VPS13B: variants seen among roughly 807,000 people sequenced by gnomAD.
The protein encoded by VPS13B is vacuolar protein sorting 13 homolog B.
VPS13B carries 285 observed loss-of-function variants against 426.4 expected under a neutral mutation model. The observed-to-expected ratio is 0.67, with a 90% confidence interval of 0.61 to 0.74. VPS13B has a LOEUF of 0.74. VPS13B is among the 30% of genes least tolerant of loss of function. The pLI is 0.00. For missense variants in VPS13B, 4,537 were observed against 4,782.6 expected (o/e 0.95, Z 1.51); for synonymous variants, 1,676 against 1,676.4 (o/e 1.00, Z 0.01).
At chr8:99,418,373 A>G (rs1816154344) in intron 21 of VPS13B, among the ~76,000 whole-genome samples, 2 of 149,806 alleles carry the variant, frequency 1.3e-5, no homozygotes, top group Admixed American at 6.6e-5. Context: ...TAAAAACTAT[A>G]CCATATAGCA....
intron 3 of VPS13B, among the ~76,000 whole-genome samples, chr8:99,086,869 TG>T (rs1287284507): frequency 4.6e-5 from 7 of 152,122 alleles, no homozygotes; most frequent in South Asian, 2.1e-4. Context: ...CTGCCCCTGC[TG>T]GGGGGTGCCT....
chr8:99,842,107 T>C (rs562893986), intron 54 of VPS13B, among the ~76,000 whole-genome samples: 25 of 152,326 alleles, frequency 1.6e-4, no homozygotes, highest in Non-Finnish European at 2.5e-4. Context: ...AGATACTCTT[T>C]TACAAACCAC....
intron 12 of VPS13B, among the ~76,000 whole-genome samples, chr8:99,140,221 C>T (rs534514519): frequency 9.2e-5 from 14 of 151,434 alleles, no homozygotes; most frequent in Middle Eastern, 3.4e-3. Context: ...AAAAATTAGC[C>T]GGGGGTGGTG....
At chr8:99,561,266 A>C (rs941969738) in intron 31 of VPS13B, among the ~76,000 whole-genome samples, 1 of 152,180 alleles carries the variant, frequency 6.6e-6, no homozygotes, top group African/African-American at 2.4e-5. Flanking sequence ...TGTCTGTATG[A>C]ATTTATGTAT....
In VPS13B at chr8:99,856,482, G is replaced by A. The variant is rs942573664; in HGVS notation, c.10867+2226G>A. Among the ~76,000 whole-genome samples the A allele has an allele frequency of 6.6e-5, 10 of 152,362 alleles. No individual in the cohort carries two copies. In the South Asian group the frequency reaches 1.2e-3, roughly 19 times the overall value. On this transcript the variant is annotated intron_variant, in intron 56 of 61. Transcript: ENST00000357162. ...CACTTGAGTCAGAGTGCCCCTGCCT[G>A]TCATGGAAAACACCCTGACCTCATT...
intron 19 of VPS13B, among the ~76,000 whole-genome samples, chr8:99,356,752 G>C (rs980615507): frequency 6.6e-6 from 1 of 151,998 alleles, no homozygotes; most frequent in Non-Finnish European, 1.5e-5. Flanking sequence ...ACTATCCAAC[G>C]ATGGAAGTTA....
chr8:99,044,430 G>T (rs1005091790), intron 3 of VPS13B, among the ~76,000 whole-genome samples: 1 of 151,020 alleles, frequency 6.6e-6, no homozygotes, highest in Admixed American at 6.6e-5. Flanking sequence ...GTGTGTGTGT[G>T]TTTTTTTAAT....
rs72672319 is a variant in VPS13B, at chr8:99,197,921, G to T, written c.2515+4864G>T. Among the ~76,000 whole-genome samples the T allele has an allele frequency of 3.6e-3, 550 of 152,124 alleles. 3 individuals are homozygous for T. Among genetic ancestry groups the T allele is most frequent in the Non-Finnish European group, 5.9e-3 (401 of 67,960 alleles). ...GGTGAAAATATTCTGTAATTATATA[G>T]TTGTGATGGATTCACAACCTTGCGT... On this transcript the variant is annotated intron_variant, in intron 17 of 61. Coordinates refer to ENST00000357162, the MANE Select transcript of VPS13B (RefSeq NM_152564.5).
chr8:99,805,211 G>A (rs79593074), intron 43 of VPS13B, among the ~76,000 whole-genome samples: 6,943 of 150,338 alleles, frequency 0.046, 174 homozygotes, highest in African/African-American at 0.061. Flanking sequence ...AGAACATTAC[G>A]TATTACTGTA....
intron 21 of VPS13B, among the ~76,000 whole-genome samples, chr8:99,392,680 C>T (rs1440777786): frequency 6.6e-6 from 1 of 151,854 alleles, no homozygotes; most frequent in Non-Finnish European, 1.5e-5. Context: ...GTATTTAAGT[C>T]GTATTTAACA....
At chr8:99,042,727 C>T (rs1300616564) in intron 3 of VPS13B, among the ~76,000 whole-genome samples, 1 of 151,996 alleles carries the variant, frequency 6.6e-6, no homozygotes, top group Non-Finnish European at 1.5e-5. Context: ...CCTCAAGTGA[C>T]CCTCCTGCCT....
chr8:99,822,972 C>G (rs904530670), intron 50 of VPS13B, among the ~76,000 whole-genome samples: 2 of 152,154 alleles, frequency 1.3e-5, no homozygotes, highest in African/African-American at 4.8e-5. Flanking sequence ...GGACCCCATG[C>G]CCAGAGATCC....
intron 21 of VPS13B, among the ~76,000 whole-genome samples, chr8:99,406,086 C>T (rs1815313429): frequency 6.6e-6 from 1 of 152,044 alleles, no homozygotes; most frequent in Non-Finnish European, 1.5e-5. Context: ...CCGCTATATA[C>T]TTTTCATACT....
chr8:99,480,289 AAC>A (rs1819967715), intron 24 of VPS13B, among the ~76,000 whole-genome samples: 1 of 152,128 alleles, frequency 6.6e-6, no homozygotes, highest in Non-Finnish European at 1.5e-5. Context: ...TGGCACTTTA[AAC>A]ACACAGTGTA....
intron 19 of VPS13B, among the ~76,000 whole-genome samples, chr8:99,331,331 A>G (rs1810530619): frequency 6.6e-6 from 1 of 151,798 alleles, no homozygotes; most frequent in Admixed American, 6.6e-5. Context: ...GTCATTTACT[A>G]CAGTAGCTAC....
chr8:99,115,115 A>G (rs1847586871), intron 6 of VPS13B, among the ~76,000 whole-genome samples: 1 of 152,152 alleles, frequency 6.6e-6, no homozygotes, highest in Admixed American at 6.5e-5. Flanking sequence ...ATTTGTCTGA[A>G]AAACTTTTTT....
At chr8:99,209,744 T>C (rs1814965627) in intron 17 of VPS13B, 1 of 973,984 alleles carries the variant, frequency 1.0e-6, no homozygotes, top group African/African-American at 1.8e-5. Context: ...TAATACATAA[T>C]TGTATAGTCA....
chr8:99,752,583 A>G (rs118105552), intron 39 of VPS13B, among the ~76,000 whole-genome samples: 2,548 of 152,318 alleles, frequency 0.017, 46 homozygotes, highest in Non-Finnish European at 0.023. Flanking sequence ...TACTGACCCT[A>G]GATCTAGCCT....
chr8:99,107,619 T>C (rs1340796794), intron 5 of VPS13B, among the ~76,000 whole-genome samples: 1 of 152,172 alleles, frequency 6.6e-6, no homozygotes, highest in Non-Finnish European at 1.5e-5. Flanking sequence ...GTGGTTGACA[T>C]TCAAGTTGTT....
Sources: gnomAD v4.1 joint callset for allele counts (sites outside exome capture counted in the v4.1 genomes callset) on GRCh38, gnomAD v4.1.1 for gene constraint, MANE v1.5 for transcripts, NCBI Gene and HGNC (gene_info 2026-07-23, HGNC 2026-07-21) for gene names.